Variants in COL21A1 observed in about 807,000 individuals in gnomAD.
COL21A1 encodes the protein collagen alpha-1(XXI) chain.
Under a neutral mutation model 137.9 loss-of-function variants are expected in COL21A1, and 149 were observed. The observed-to-expected ratio is 1.08, with a 90% CI of 0.95 to 1.24. The LOEUF (loss-of-function observed/expected upper bound fraction) is 1.24. COL21A1 is among the 50% of genes most tolerant of loss of function. COL21A1 has a pLI of 0.00. For synonymous variants in COL21A1, 456 were observed against 391.5 expected, an observed-to-expected ratio of 1.16 and a Z score of -1.95; for missense variants, 1,167 against 1,158.4, an observed-to-expected ratio of 1.01 and a Z score of -0.11.
At chr6:56,130,527 T>C (rs1193783234) in intron 12 of COL21A1, among the ~76,000 whole-genome samples, 1 of 152,004 alleles carries the variant, frequency 6.6e-6, no homozygotes, top group Non-Finnish European at 1.5e-5. Context: ...CTGAACAAAG[T>C]CCAAGCTATG....
At chr6:56,165,971 A>G (rs961615094) in intron 7 of COL21A1, among the ~76,000 whole-genome samples, 12 of 151,262 alleles carry the variant, frequency 7.9e-5, no homozygotes, top group African/African-American at 2.9e-4. Context: ...ATAATATTTT[A>G]GCTCATAATC....
intron 1 of COL21A1, among the ~76,000 whole-genome samples, chr6:56,284,855 G>T (rs577068710): frequency 1.3e-5 from 2 of 152,208 alleles, no homozygotes; most frequent in East Asian, 3.9e-4. Flanking sequence ...TTGCTTTTCT[G>T]ACTTCCTGGG....
intron 17 of COL21A1, among the ~76,000 whole-genome samples, chr6:56,093,365 A>G (rs1441268568): frequency 6.6e-6 from 1 of 152,168 alleles, no homozygotes; most frequent in Non-Finnish European, 1.5e-5. Context: ...GAAGTCCTAA[A>G]TCTTGTTATC....
chr6:56,156,966 C>G lies in COL21A1; in HGVS notation c.1372-17G>C. ...AGGGTCACCCTAAGCAGGAAGCAAA[C>G]AAACTTTTGAGTACAAAACAACCAG... On this transcript the variant is annotated splice_polypyrimidine_tract_variant and intron_variant, in intron 9 of 29. Transcript: ENST00000244728. 1 of 1,602,316 alleles carries G rather than the reference C, an allele frequency of 6.2e-7. No homozygotes were observed. The highest frequency in any genetic ancestry group is 8.5e-7 in the Non-Finnish European group (1 of 1,173,416).
chr6:56,364,486 C>T (rs1413437620), intron 1 of COL21A1, among the ~76,000 whole-genome samples: 3 of 152,154 alleles, frequency 2.0e-5, no homozygotes, highest in Non-Finnish European at 4.4e-5. Flanking sequence ...GTGTGCTAGA[C>T]CCTTTGGGGA....
At chr6:56,096,180 C>T (rs903343815) in intron 17 of COL21A1, among the ~76,000 whole-genome samples, 6 of 151,138 alleles carry the variant, frequency 4.0e-5, no homozygotes, top group East Asian at 2.0e-4. Context: ...GCATACCTTT[C>T]GACAATGCCT....
chr6:56,170,307 C>T (rs1159235245), intron 5 of COL21A1, among the ~76,000 whole-genome samples: 1 of 151,782 alleles, frequency 6.6e-6, no homozygotes, highest in Non-Finnish European at 1.5e-5. Context: ...CACTTATTAG[C>T]TGTTCTATTT....
At chr6:56,231,030 T>C (rs1781523959) in intron 1 of COL21A1, 1 of 151,774 alleles carries the variant, frequency 6.6e-6, no homozygotes. Flanking sequence ...ACAGGAAAAA[T>C]GCTTGCTGAC....
intron 12 of COL21A1, among the ~76,000 whole-genome samples, chr6:56,129,773 A>G (rs1036764002): frequency 2.0e-5 from 3 of 151,452 alleles, no homozygotes; most frequent in South Asian, 2.1e-4. Flanking sequence ...ATAAAAGCCT[A>G]TAACACCCTA....
chr6:56,059,689 C>T (rs977278974), intron 28 of COL21A1, among the ~76,000 whole-genome samples: 3 of 151,958 alleles, frequency 2.0e-5, no homozygotes, highest in Non-Finnish European at 4.4e-5. Context: ...GGTAACAGTG[C>T]AGAAAGTTAC....
intron 1 of COL21A1, among the ~76,000 whole-genome samples, chr6:56,324,824 A>G: frequency 6.6e-6 from 1 of 151,968 alleles, no homozygotes; most frequent in East Asian, 1.9e-4. Context: ...GGTCTCTCTG[A>G]CCTCCTCCTC....
chr6:56,125,311 G>T (rs778464559), intron 14 of COL21A1: 1 of 252,090 alleles, frequency 4.0e-6, no homozygotes, highest in Non-Finnish European at 7.4e-6. Context: ...GAGCCACCGC[G>T]CCCGGCCTGT....
chr6:56,308,149 C>A (rs906857067), intron 1 of COL21A1, among the ~76,000 whole-genome samples: 1 of 152,214 alleles, frequency 6.6e-6, no homozygotes. Flanking sequence ...CATGAAGGCT[C>A]TGCCTTATAA....
At chr6:56,387,445 C>T (rs2094020196) in intron 1 of COL21A1, among the ~76,000 whole-genome samples, 1 of 146,790 alleles carries the variant, frequency 6.8e-6, no homozygotes, top group African/African-American at 2.5e-5. Flanking sequence ...AAAGCACCTT[C>T]ACAAACACCA....
At chr6:56,089,742 T>C (rs557396754) in intron 17 of COL21A1, among the ~76,000 whole-genome samples, 1 of 152,270 alleles carries the variant, frequency 6.6e-6, no homozygotes, top group East Asian at 1.9e-4. Flanking sequence ...ACATAAACAA[T>C]AATGAGATTC....
chr6:56,128,703 G>A (rs1184767448), intron 12 of COL21A1, among the ~76,000 whole-genome samples: 1 of 152,156 alleles, frequency 6.6e-6, no homozygotes. Context: ...CGCCCAGGCT[G>A]GAGTGAAGTG....
chr6:56,237,552 C>T (rs1781987065), intron 1 of COL21A1, among the ~76,000 whole-genome samples: 1 of 152,120 alleles, frequency 6.6e-6, no homozygotes, highest in South Asian at 2.1e-4. Context: ...AAAAATATGA[C>T]AGGTTACTAG....
chr6:56,375,995 G>A (rs1003373876), intron 1 of COL21A1, among the ~76,000 whole-genome samples: 3 of 152,116 alleles, frequency 2.0e-5, no homozygotes, highest in African/African-American at 7.2e-5. Context: ...TGGTTGTTTA[G>A]GAAACAACAA....
chr6:56,303,398 T>G (rs1240507716), intron 1 of COL21A1, among the ~76,000 whole-genome samples: 2 of 151,764 alleles, frequency 1.3e-5, no homozygotes, highest in Non-Finnish European at 3.0e-5. Context: ...GTATCCTCTT[T>G]TATTTCATTG....
Sources: gnomAD v4.1 joint callset for allele counts (sites outside exome capture counted in the v4.1 genomes callset) on GRCh38, gnomAD v4.1.1 for gene constraint, MANE v1.5 for transcripts, NCBI Gene and HGNC (gene_info 2026-07-23, HGNC 2026-07-21) for gene names.